PPP4R3B: variants seen among roughly 807,000 people sequenced by gnomAD.
The protein encoded by PPP4R3B is serine/threonine-protein phosphatase 4 regulatory subunit 3B.
A neutral mutation model predicts 95.4 loss-of-function variants in PPP4R3B; 52 were observed. The observed-to-expected ratio is 0.54, with a 90% CI of 0.44 to 0.69. The LOEUF is 0.69. Ranked by LOEUF, PPP4R3B falls within the 30% of genes least tolerant of loss-of-function variation. The probability of loss-of-function intolerance (pLI) is 0.00; values close to 1 mark genes in which losing one functional copy is unlikely to be tolerated. For missense variants in PPP4R3B, 1,003 were observed against 1,005.9 expected (o/e 1.00, Z 0.04); for synonymous variants, 407 against 343.9 (o/e 1.18, Z -2.03).
chr2:55,605,778 T>C (rs1037130735), intron 2 of PPP4R3B, among the ~76,000 whole-genome samples: 3 of 151,918 alleles, frequency 2.0e-5, no homozygotes, highest in African/African-American at 7.3e-5. Flanking sequence ...TGGTGGCGCG[T>C]GCCTATAGTC....
chr2:55,586,950 T>C (rs995525688), intron 5 of PPP4R3B, among the ~76,000 whole-genome samples: 1 of 152,164 alleles, frequency 6.6e-6, no homozygotes, highest in Admixed American at 6.5e-5. Flanking sequence ...AAAAGAGAAA[T>C]CCACCAATAC....
At chr2:55,574,365 A>C (rs1223314566) in intron 11 of PPP4R3B, among the ~76,000 whole-genome samples, 2 of 151,908 alleles carry the variant, frequency 1.3e-5, no homozygotes, top group African/African-American at 4.8e-5. Context: ...CATGATAATA[A>C]TACCTTGATG....
intron 11 of PPP4R3B, among the ~76,000 whole-genome samples, chr2:55,575,464 G>C (rs1688556018): frequency 6.6e-6 from 1 of 152,126 alleles, no homozygotes; most frequent in Admixed American, 6.6e-5. Flanking sequence ...CTTGTTGTTT[G>C]AGACAGGGTA....
At chr2:55,574,026 C>A (rs986449936) in intron 11 of PPP4R3B, among the ~76,000 whole-genome samples, 2 of 151,016 alleles carry the variant, frequency 1.3e-5, no homozygotes, top group Non-Finnish European at 2.9e-5. Context: ...GTAGCTGGAA[C>A]TACAGATGTA....
At chr2:55,589,700 G>A (rs577653733) in intron 4 of PPP4R3B, among the ~76,000 whole-genome samples, 200 of 151,836 alleles carry the variant, frequency 1.3e-3, no homozygotes, top group Middle Eastern at 3.4e-3. Context: ...CGGATCACGA[G>A]GTCATGAGAT....
At chr2:55,592,764 CTCCATCATT>C (rs1336846578) in intron 4 of PPP4R3B, among the ~76,000 whole-genome samples, 1 of 152,142 alleles carries the variant, frequency 6.6e-6, no homozygotes, top group Non-Finnish European at 1.5e-5. Context: ...GATTCCTATC[CTCCATCATT>C]TCTAGTAAGG....
intron 9 of PPP4R3B, 48 bp from the exon 10 acceptor site, chr2:55,578,390 A>AT: frequency 7.9e-7 from 1 of 1,272,498 alleles, no homozygotes; most frequent in African/African-American, 1.5e-5. Flanking sequence ...AACAGGGAGT[A>AT]TATGAGTGTC....
At position 55,549,501 on chromosome 2, in the gene PPP4R3B, C is replaced by T. The variant is rs931933826; in HGVS notation, c.*410G>A. On this transcript the variant is annotated 3_prime_UTR_variant, in exon 17 of 17. Transcript: ENST00000616407. ...CTGATTAAAACAACAACATGGCCAG[C>T]ACCATTATACAAGTAATGTTATTGA... 4 of 156,346 alleles carry T rather than the reference C, an allele frequency of 2.6e-5. No homozygotes were observed. The highest frequency in any genetic ancestry group is 9.6e-5 in the African/African-American group (4 of 41,514). 9.7% of individuals were successfully genotyped at this position (156,346 alleles called of 1,614,324 possible). A position where few individuals can be genotyped will look rare whatever the true frequency, so the allele number is the denominator to read the frequency against.
At position 55,588,908 on chromosome 2, in the gene PPP4R3B, C is replaced by A; in HGVS notation, c.970G>T (p.Ala324Ser). ...TCACGCCGTTTATCATCATCTGTAG[C>A]CTCATCTGTTAATTGTGCAAAAACT... is the stretch of plus-strand genomic sequence containing the variant. Reference protein sequence around the residue: ...SEVFAQLTDEATDDDKRRELV... With the variant: ...SEVFAQLTDESTDDDKRRELV... The change falls in exon 5 of 17, where the codon GCT becomes TCT. Residue 324 changes from alanine to serine, a missense_variant. Physicochemically the swap from Ala to Ser is moderately conservative, Grantham distance 99. Around this residue, in one of 3 missense-constraint regions of PPP4R3B, gnomAD observed 695 missense variants for 686.2 expected, o/e 1.01. Coordinates refer to ENST00000616407, the MANE Select transcript of PPP4R3B (RefSeq NM_001122964.3). The A allele has an allele frequency of 6.2e-7, 1 of 1,610,600 alleles. No individual in the cohort carries two copies. Among genetic ancestry groups the A allele is most frequent in the Non-Finnish European group, 8.5e-7 (1 of 1,177,988 alleles).
intron 6 of PPP4R3B, 47 bp downstream of exon 6, chr2:55,586,571 T>C (rs769932795): frequency 9.0e-7 from 1 of 1,113,988 alleles, no homozygotes; most frequent in Non-Finnish European, 1.3e-6. Flanking sequence ...CATAAGTGTA[T>C]TACAAATTTA....
At chr2:55,560,294 A>G (rs995747750) in intron 15 of PPP4R3B, among the ~76,000 whole-genome samples, 1 of 152,202 alleles carries the variant, frequency 6.6e-6, no homozygotes, top group African/African-American at 2.4e-5. Context: ...TGGACAATGA[A>G]GTCCAGGCTG....
rs1481184541 is a variant in PPP4R3B at position 55,578,251 on chromosome 2, A to G, written c.1560T>C (p.Ser520=). The change falls in exon 10 of 17, where the codon TCT becomes TCC. Residue 520 remains serine, a synonymous_variant. Coordinates refer to ENST00000616407, the MANE Select transcript of PPP4R3B (RefSeq NM_001122964.3). ...HSHSTPSSSI[S]QDNIVGSNKN... is the part of the protein sequence containing the mutation. Reference sequence around the variant, plus strand: ...TACACTCCAAATTCAGCATACCTTGAGAGATGGAGGAAGAGGGGGTAGAAT... The same window carrying G: ...TACACTCCAAATTCAGCATACCTTGGGAGATGGAGGAAGAGGGGGTAGAAT... 1 of 1,458,372 alleles carries G rather than the reference A, an allele frequency of 6.9e-7. No homozygotes were observed. Among genetic ancestry groups the G allele is most frequent in the Non-Finnish European group, 9.1e-7 (1 of 1,101,500 alleles). 90.3% of individuals were successfully genotyped at this position (1,458,372 alleles called of 1,614,324 possible).
intron 7 of PPP4R3B, 50 bp from the exon 8 acceptor site, chr2:55,581,748 T>C: frequency 1.3e-6 from 2 of 1,577,592 alleles, no homozygotes; most frequent in African/African-American, 2.7e-5. Flanking sequence ...AGACCTGGTT[T>C]AGATCTAAGA....
intron 2 of PPP4R3B, chr2:55,614,554 T>C (rs1694637397): frequency 6.6e-6 from 1 of 152,192 alleles, no homozygotes; most frequent in Non-Finnish European, 1.5e-5. Flanking sequence ...ACATATTATT[T>C]ATGGATACAT....
chr2:55,599,035 T>C lies in PPP4R3B; in HGVS notation c.302A>G (p.Gln101Arg), dbSNP rs971164777. The change falls in exon 4 of 17, where the codon CAA becomes CGA. Residue 101 changes from glutamine (Q) to arginine (R), a missense_variant. By Grantham distance (43) the Gln-to-Arg change is conservative. Coordinates refer to ENST00000616407, the MANE Select transcript of PPP4R3B (RefSeq NM_001122964.3). ...GACTTCCACTGATGGGTCTTTACCT[T>C]GAACCTAAAAATATCCAAGTATACA... ...DEIWEKICQV[Q>R]GKDPSVEVTQ... is the part of the protein sequence containing the mutation. 1.9e-6 allele frequency: 3 copies of C among 1,596,708 alleles called. No homozygotes were observed. Among genetic ancestry groups the C allele is most frequent in the Non-Finnish European group, 2.6e-6 (3 of 1,174,350 alleles).
chr2:55,566,776 G>A (rs1687350959), intron 13 of PPP4R3B, among the ~76,000 whole-genome samples: 1 of 152,206 alleles, frequency 6.6e-6, no homozygotes, highest in Admixed American at 6.5e-5. Context: ...GGAGGCTGAG[G>A]TGGGAGAACT....
chr2:55,572,300 T>G (rs1169162229), intron 12 of PPP4R3B, among the ~76,000 whole-genome samples: 1 of 152,170 alleles, frequency 6.6e-6, no homozygotes, highest in Non-Finnish European at 1.5e-5. Flanking sequence ...TAAGGAAATT[T>G]TAAAGTTATC....
chr2:55,593,761 C>T (rs1336735196), intron 4 of PPP4R3B, among the ~76,000 whole-genome samples: 2 of 152,046 alleles, frequency 1.3e-5, no homozygotes, highest in Non-Finnish European at 2.9e-5. Flanking sequence ...AAATAGAGAC[C>T]ACTGGCCACA....
At chr2:55,584,686 C>T (rs1008395501) in intron 7 of PPP4R3B, among the ~76,000 whole-genome samples, 3 of 152,150 alleles carry the variant, frequency 2.0e-5, no homozygotes, top group African/African-American at 7.2e-5. Context: ...CTACTTAAAA[C>T]ATATTTTTTG....
Sources: allele counts gnomAD v4.1 joint callset (sites outside exome capture counted in the v4.1 genomes callset), GRCh38; gene constraint gnomAD v4.1.1; regional missense constraint gnomAD v4.1.1; transcripts MANE v1.5; gene names NCBI Gene and HGNC (gene_info 2026-07-23, HGNC 2026-07-21).